The following PHF20L1 variants were observed in gnomAD, a reference collection of about 807,000 sequenced individuals.
PHF20L1 encodes the protein PHD finger protein 20-like protein 1.
Under a neutral mutation model 125.5 loss-of-function variants are expected in PHF20L1, and 44 were observed. That is an observed-to-expected ratio of 0.35 (90% confidence interval 0.28 to 0.45). The LOEUF is 0.45. Ranked by LOEUF, PHF20L1 falls within the 20% of genes least tolerant of loss-of-function variation. The pLI, the probability that PHF20L1 is intolerant of heterozygous loss-of-function variation, is 1.00. For missense variants in PHF20L1, 1,012 were observed against 1,217.2 expected (o/e 0.83, Z 2.51); for synonymous variants, 380 against 403.1 (o/e 0.94, Z 0.69).
At chr8:132,843,260 T>C (rs1485629262) in intron 19 of PHF20L1, 4 of 984,566 alleles carry the variant, frequency 4.1e-6, no homozygotes, top group African/African-American at 1.7e-5. Flanking sequence ...AAGGTGGCAC[T>C]CTAATTGTCT....
At chr8:132,823,951 C>T in intron 12 of PHF20L1, 53 bp from the exon 13 acceptor site, 1 of 1,043,952 alleles carries the variant, frequency 9.6e-7, no homozygotes, top group South Asian at 1.4e-5. Context: ...AATATTGTCC[C>T]ATACTTTTAA....
intron 18 of PHF20L1, among the ~76,000 whole-genome samples, chr8:132,841,217 C>A (rs527696746): frequency 6.6e-6 from 1 of 152,044 alleles, no homozygotes; most frequent in Non-Finnish European, 1.5e-5. Flanking sequence ...AAGTCCTACA[C>A]GTCATGTGCT....
chr8:132,794,869 C>G, intron 4 of PHF20L1, 52 bp downstream of exon 4: 1 of 1,164,850 alleles, frequency 8.6e-7, no homozygotes, highest in Non-Finnish European at 1.3e-6. Flanking sequence ...AGTAAAATTT[C>G]ACTGTATTTT....
intron 1 of PHF20L1, 120 bp from the exon 2 acceptor site, chr8:132,777,672 A>G (rs1362398723): frequency 1.8e-6 from 1 of 553,346 alleles, no homozygotes; most frequent in Non-Finnish European, 3.2e-6. Flanking sequence ...TTTGGCAAGT[A>G]TTTCATATTC....
intron 2 of PHF20L1, among the ~76,000 whole-genome samples, chr8:132,792,743 A>G (rs574934648): frequency 1.3e-5 from 2 of 152,310 alleles, no homozygotes; most frequent in Non-Finnish European, 2.9e-5. Context: ...TTCACAGGCC[A>G]GAGTAGCATT....
intron 12 of PHF20L1, among the ~76,000 whole-genome samples, chr8:132,822,154 G>A (rs980159170): frequency 6.6e-6 from 1 of 151,780 alleles, no homozygotes; most frequent in African/African-American, 2.4e-5. Context: ...TTATGAAATC[G>A]AAAGGTTTGG....
chr8:132,809,936 C>G (rs1834180343), intron 8 of PHF20L1: 1 of 152,102 alleles, frequency 6.6e-6, no homozygotes, highest in Non-Finnish European at 1.5e-5. Context: ...GGTTACCTGA[C>G]AGGCTTAGCA....
At chr8:132,797,882 A>T (rs1832599099) in intron 4 of PHF20L1, among the ~76,000 whole-genome samples, 1 of 152,016 alleles carries the variant, frequency 6.6e-6, no homozygotes, top group South Asian at 2.1e-4. Context: ...GTTTACTTAG[A>T]GTGGGACTCT....
chr8:132,816,640 A>G (rs1020741236), intron 10 of PHF20L1: 1 of 361,584 alleles, frequency 2.8e-6, no homozygotes, highest in Non-Finnish European at 5.0e-6. Flanking sequence ...GCTACTTGAA[A>G]TTAATGTTCC....
At chr8:132,778,458 C>T (rs1436610391) in intron 2 of PHF20L1, among the ~76,000 whole-genome samples, 1 of 152,164 alleles carries the variant, frequency 6.6e-6, no homozygotes, top group Non-Finnish European at 1.5e-5. Flanking sequence ...AACCTAAAGG[C>T]AGGTTGTTAC....
chr8:132,810,715 A>G lies in PHF20L1; in HGVS notation c.848-331A>G, dbSNP rs559477032. ...TATAGACAAAACCTGTATTATAAGT[A>G]TTAGCAACCTGAGCAACCTTAATGT... is the stretch of plus-strand genomic sequence containing the variant. On this transcript the variant is annotated intron_variant, in intron 8 of 20. Transcript: ENST00000395386. 20 of 211,616 alleles carry G rather than the reference A, an allele frequency of 9.5e-5. No individual in the cohort carries two copies. In the East Asian group the frequency reaches 2.3e-3, roughly 25 times the overall value. The allele number at this position is 211,616 out of a possible 1,614,324, so 13.1% of individuals were successfully genotyped here. A position where few individuals can be genotyped will look rare whatever the true frequency, so the allele number is the denominator to read the frequency against.
intron 8 of PHF20L1, chr8:132,808,904 T>A (rs541604942): frequency 4.0e-5 from 6 of 151,096 alleles, no homozygotes; most frequent in African/African-American, 1.5e-4. Flanking sequence ...AGAGATGGGG[T>A]CTTGCTATAT....
chr8:132,799,706 T>G (rs570115497), intron 6 of PHF20L1: 1 of 152,060 alleles, frequency 6.6e-6, no homozygotes, highest in African/African-American at 2.4e-5. Context: ...AATTACCTGG[T>G]CAGCTTCAGT....
At chr8:132,788,669 A>T (rs1363356514) in intron 2 of PHF20L1, 1 of 152,046 alleles carries the variant, frequency 6.6e-6, no homozygotes, top group Non-Finnish European at 1.5e-5. Flanking sequence ...ATCAGAATGA[A>T]TTCCTTAAAT....
intron 12 of PHF20L1, among the ~76,000 whole-genome samples, chr8:132,820,902 A>G (rs753921162): frequency 1.3e-5 from 2 of 151,970 alleles, no homozygotes; most frequent in Non-Finnish European, 2.9e-5. Flanking sequence ...GCCATTTTAA[A>G]AAGTTATTCT....
At chr8:132,795,409 C>T (rs1420286919) in intron 4 of PHF20L1, among the ~76,000 whole-genome samples, 1 of 152,012 alleles carries the variant, frequency 6.6e-6, no homozygotes, top group African/African-American at 2.4e-5. Flanking sequence ...GAAAGTAACA[C>T]AGAAATTAGG....
intron 6 of PHF20L1, chr8:132,799,779 A>G (rs1586910229): frequency 1.3e-5 from 2 of 152,020 alleles, no homozygotes; most frequent in Middle Eastern, 3.4e-3. Flanking sequence ...TTATTCATGA[A>G]GAAATAAGTG....
chr8:132,846,061 A>C lies in PHF20L1; in HGVS notation c.*138A>C, dbSNP rs1036309892. ...TGATTTGTGATGTCAATAGGATGGCACCTTGGAAAGAAAAATGAAGAACAA... is the reference window on the plus strand; with the variant it reads ...TGATTTGTGATGTCAATAGGATGGCCCCTTGGAAAGAAAAATGAAGAACAA... On this transcript the variant is annotated 3_prime_UTR_variant, in exon 21 of 21. Transcript: ENST00000395386. 8.1e-6 allele frequency: 5 copies of C among 615,634 alleles called. No individual in the cohort carries two copies. In the African/African-American group the frequency reaches 9.2e-5, roughly 11 times the overall value. 38.1% of individuals were successfully genotyped at this position (615,634 alleles called of 1,614,324 possible). A position where few individuals can be genotyped will look rare whatever the true frequency, so the allele number is the denominator to read the frequency against.
At chr8:132,792,500 C>G (rs985103800) in intron 2 of PHF20L1, among the ~76,000 whole-genome samples, 2 of 152,166 alleles carry the variant, frequency 1.3e-5, no homozygotes, top group East Asian at 1.9e-4. Flanking sequence ...TTACTCCCCC[C>G]AAAAGACTAA....
Sources: allele counts gnomAD v4.1 joint callset (sites outside exome capture counted in the v4.1 genomes callset), GRCh38; gene constraint gnomAD v4.1.1; transcripts MANE v1.5; gene names NCBI Gene and HGNC (gene_info 2026-07-23, HGNC 2026-07-21).